LRP2: variants seen among roughly 807,000 people sequenced by gnomAD.
LRP2 encodes the protein low-density lipoprotein receptor-related protein 2.
A neutral mutation model predicts 531.0 loss-of-function variants in LRP2; 172 were observed. The ratio of observed to expected loss-of-function variants is 0.32; its 90% CI spans 0.29 to 0.37. The LOEUF is 0.37. Among genes scored for constraint, LRP2 ranks in the 10% least tolerant of loss-of-function variants. The pLI is 1.00. For synonymous variants in LRP2, 1,992 were observed against 2,027.6 expected, an observed-to-expected ratio of 0.98 and a Z score of 0.47; for missense variants, 5,167 against 5,868.3, an observed-to-expected ratio of 0.88 and a Z score of 3.90.
chr2:169,246,713 C>T lies in LRP2; in HGVS notation c.3182G>A (p.Gly1061Asp), dbSNP rs544224269. The T allele has an allele frequency of 1.4e-5, 22 of 1,614,116 alleles. No homozygotes were observed. The highest frequency in any genetic ancestry group is 8.0e-5 in the African/African-American group (6 of 75,048). Reference sequence around the variant, plus strand: ...AGTGCATAGCTACTTACTAAGTGTGCCACATAGTTGCTCATCACTGTTATC... The same window carrying T: ...AGTGCATAGCTACTTACTAAGTGTGTCACATAGTTGCTCATCACTGTTATC... ...CHDNSDEQLCGTLNNTCSSSA... is the reference protein window; with the variant it reads ...CHDNSDEQLCDTLNNTCSSSA... The change falls in exon 21 of 79, where the codon GGC (glycine) becomes GAC (aspartate). Residue 1061 changes from glycine to aspartate, a missense_variant. This residue lies in a region of LRP2 where 2,811 missense variants were observed against 3,058.0 expected (regional missense o/e 0.92). Transcript: ENST00000649046.
At chr2:169,138,182 T>C (rs1685587854) in intron 75 of LRP2, among the ~76,000 whole-genome samples, 1 of 152,172 alleles carries the variant, frequency 6.6e-6, no homozygotes, top group Non-Finnish European at 1.5e-5. Flanking sequence ...TCACTATACA[T>C]TGGCAGAAAA....
chr2:169,232,510 GT>G (rs1559030692), intron 30 of LRP2, among the ~76,000 whole-genome samples: 1 of 152,120 alleles, frequency 6.6e-6, no homozygotes, highest in East Asian at 1.9e-4. Flanking sequence ...TAAAAGTGGA[GT>G]ATATATTCGA....
In LRP2 at chr2:169,294,717, T is replaced by C. The variant is rs1684090497; in HGVS notation, c.428-7A>G. The stretch of plus-strand genomic sequence containing the variant: ...TGCTCACATGTTGGGTACTCTATTG[T>C]AAAAAAAAAAAAAAAAAAAAAAAGG... On this transcript the variant is annotated splice_polypyrimidine_tract_variant and splice_region_variant and intron_variant, in intron 4 of 78. Transcript: ENST00000649046. 7 of 742,560 alleles carry C rather than the reference T, an allele frequency of 9.4e-6. No individual in the cohort carries two copies. Among genetic ancestry groups the C allele is most frequent in the Non-Finnish European group, 1.5e-5 (7 of 480,758 alleles). 46.0% of individuals were successfully genotyped at this position (742,560 alleles called of 1,614,324 possible).
chr2:169,347,695 G>C (rs1685732168), intron 1 of LRP2, among the ~76,000 whole-genome samples: 1 of 152,174 alleles, frequency 6.6e-6, no homozygotes, highest in Non-Finnish European at 1.5e-5. Flanking sequence ...TCTTCTAGAA[G>C]GAAGTGGAAA....
intron 70 of LRP2, among the ~76,000 whole-genome samples, chr2:169,144,445 CGGAG>C (rs3831807): frequency 0.96 from 143,477 of 149,048 alleles, 69,188 homozygotes; most frequent in African/African-American, 0.99. Context: ...CATCAGCTGC[CGGAG>C]GGAGATGCTT....
intron 76 of LRP2, among the ~76,000 whole-genome samples, chr2:169,132,891 C>T (rs760013149): frequency 2.0e-5 from 3 of 152,152 alleles, no homozygotes; most frequent in African/African-American, 4.8e-5. Context: ...ACTAAGTCAC[C>T]TCATACCTTA....
chr2:169,137,531 G>GAGAAAC, intron 75 of LRP2, 38 bp from the exon 76 acceptor site: 7 of 1,249,190 alleles, frequency 5.6e-6, no homozygotes, highest in African/African-American at 1.5e-5. Flanking sequence ...GAGAGAGAGA[G>GAGAAAC]AGAAACAGAG....
At chr2:169,195,141 T>G (rs995027603) in intron 46 of LRP2, among the ~76,000 whole-genome samples, 3 of 152,070 alleles carry the variant, frequency 2.0e-5, no homozygotes, top group African/African-American at 7.2e-5. Flanking sequence ...AGTGAAAAAA[T>G]GGAAACAACC....
chr2:169,228,119 T>C (rs1401097104), intron 31 of LRP2, among the ~76,000 whole-genome samples: 1 of 152,164 alleles, frequency 6.6e-6, no homozygotes, highest in African/African-American at 2.4e-5. Context: ...CTAATCTTGT[T>C]TGTTAGATAG....
In LRP2 at chr2:169,259,123, G is replaced by A. The variant is rs2105411342; in HGVS notation, c.2415C>T (p.Tyr805=). Residue 805 remains tyrosine, a synonymous_variant, in exon 17 of 79, where the codon TAC becomes TAT. Transcript: ENST00000649046. ...SKNLYWTDSH[Y]KSISVMRLAD... is the part of the protein sequence containing the mutation. ...CTAGCCTCATGACACTGATACTCTT[G>A]TAATGAGAGTCTGTCCAATAGAGAT... The A allele has an allele frequency of 1.2e-6, 2 of 1,612,804 alleles. No individual in the cohort carries two copies. Among genetic ancestry groups the A allele is most frequent in the African/African-American group, 2.7e-5 (2 of 74,944 alleles).
chr2:169,288,785 G>A (rs1683923692), intron 9 of LRP2, among the ~76,000 whole-genome samples: 1 of 152,208 alleles, frequency 6.6e-6, no homozygotes, highest in South Asian at 2.1e-4. Context: ...GTAATGGATA[G>A]GTTCCAGGTA....
At chr2:169,361,413 CCTCT>C (rs142066986) in intron 1 of LRP2, among the ~76,000 whole-genome samples, 2 of 142,732 alleles carry the variant, frequency 1.4e-5, no homozygotes, top group African/African-American at 2.6e-5. Context: ...TCCTCTCTCT[CCTCT>C]CTCTCTCTCT....
chr2:169,246,701 T>C lies in LRP2; in HGVS notation c.3190+4A>G. The C allele has an allele frequency of 6.2e-7, 1 of 1,614,062 alleles. No individual in the cohort carries two copies. Among genetic ancestry groups the C allele is most frequent in the Non-Finnish European group, 8.5e-7 (1 of 1,179,864 alleles). On this transcript the variant is annotated splice_donor_region_variant and intron_variant, in intron 21 of 78. Transcript: ENST00000649046. ...GGAAATATCGCCAGTGCATAGCTAC[T>C]TACTAAGTGTGCCACATAGTTGCTC...
intron 1 of LRP2, among the ~76,000 whole-genome samples, chr2:169,352,661 A>G (rs1035153806): frequency 6.6e-6 from 1 of 152,170 alleles, no homozygotes; most frequent in African/African-American, 2.4e-5. Flanking sequence ...CCATGGAATA[A>G]TATGCAGCCA....
Position 169,201,868 on chromosome 2 carries a change from G to C in LRP2, c.8212C>G (p.Leu2738Val), listed in dbSNP as rs772847237. Residue 2738 changes from leucine (L) to valine (V), a missense_variant and splice_region_variant, in exon 44 of 79, where the codon CTT (leucine) becomes GTT (valine). By Grantham distance (32) the Leu-to-Val change is conservative (BLOSUM62 1). Transcript: ENST00000649046. ...GSDEMESVCA[L>V]HTCSPTAFTC... ...AAGGCTGTCGGTGAGCAGGTGTGAA[G>C]TGCTAAGAACAGGAAAAACATGAGA... 6.2e-7 allele frequency: 1 copy of C among 1,614,100 alleles called. No homozygotes were observed. The highest frequency in any genetic ancestry group is 2.2e-5 in the East Asian group (1 of 44,884).
At chr2:169,139,161 T>C in intron 74 of LRP2, 90 bp downstream of exon 74, 1 of 1,596,056 alleles carries the variant, frequency 6.3e-7, no homozygotes, top group East Asian at 2.2e-5. Flanking sequence ...ATTGTGCTTT[T>C]TTAACTTAGA....
At chr2:169,303,257 C>T (rs1227000950) in intron 4 of LRP2, among the ~76,000 whole-genome samples, 1 of 152,044 alleles carries the variant, frequency 6.6e-6, no homozygotes, top group Non-Finnish European at 1.5e-5. Flanking sequence ...AGCTAAGTAA[C>T]CTTTAAACAA....
At chr2:169,233,661 T>G in intron 29 of LRP2, 73 bp from the exon 30 acceptor site, 1 of 1,305,022 alleles carries the variant, frequency 7.7e-7, no homozygotes, top group Non-Finnish European at 1.1e-6. Flanking sequence ...AAAGAGGATA[T>G]CTGCTCAAGA....
chr2:169,257,231 A>C lies in LRP2; in HGVS notation c.2532T>G (p.Asp844Glu). ...TCATAATTTTAGCAGGACGGAACCA[A>C]TCAGTGAAGAATAGATACCTAGAAA... ...HPFAGYLFFTDWFRPAKIMRA... is the reference protein window; with the variant it reads ...HPFAGYLFFTEWFRPAKIMRA... The change falls in exon 18 of 79, where the codon GAT becomes GAG. Residue 844 changes from aspartate to glutamate, a missense_variant. This residue lies in a region of LRP2 where 2,811 missense variants were observed against 3,058.0 expected (regional missense o/e 0.92). Transcript: ENST00000649046. 1 of 1,612,768 alleles carries C rather than the reference A, an allele frequency of 6.2e-7. No individual in the cohort carries two copies. Among genetic ancestry groups the C allele is most frequent in the Non-Finnish European group, 8.5e-7 (1 of 1,179,068 alleles).
Sources: allele counts gnomAD v4.1 joint callset (sites outside exome capture counted in the v4.1 genomes callset), GRCh38; gene constraint gnomAD v4.1.1; regional missense constraint gnomAD v4.1.1; transcripts MANE v1.5; gene names NCBI Gene and HGNC (gene_info 2026-07-23, HGNC 2026-07-21).